The following TNK2 variants were observed in gnomAD, a reference collection of about 807,000 sequenced individuals.
TNK2 encodes activated CDC42 kinase 1.
TNK2 carries 83 observed loss-of-function variants against 101.8 expected under a neutral mutation model. The ratio of observed to expected loss-of-function variants is 0.82; its 90% confidence interval spans 0.68 to 0.98. The LOEUF is 0.98. TNK2 is among the 50% of genes least tolerant of loss of function. The pLI is 0.00. For synonymous variants in TNK2, 804 were observed against 633.0 expected (o/e 1.27, Z -4.06); for missense variants, 1,665 against 1,483.2 (o/e 1.12, Z -2.01).
chr3:195,892,395 C>T, intron 1 of TNK2: 1 of 1,528,026 alleles, frequency 6.5e-7, no homozygotes, highest in East Asian at 2.5e-5. Context: ...CAGTCCAGCC[C>T]CTGCCCCCCA....
chr3:195,881,933 A>T, intron 6 of TNK2, 118 bp downstream of exon 6: 1 of 1,266,038 alleles, frequency 7.9e-7, no homozygotes, highest in Non-Finnish European at 1.1e-6. Context: ...CCCCAGGCTT[A>T]GAACAGACAA....
In TNK2 at chr3:195,870,163, G is replaced by C; in HGVS notation, c.1494C>G (p.Ser498Arg). Residue 498 changes from serine to arginine, a missense_variant, in exon 11 of 16, where the codon AGC (serine) becomes AGG (arginine). Ser to Arg is a moderately radical substitution (Grantham distance 110). Coordinates refer to ENST00000672887, the MANE Select transcript of TNK2 (RefSeq NM_001382273.1). ...GGGGCCGGGAGGTGCTCAGTTCCAC[G>C]CTCAGGAGGTCGGGGGGGTCCATGG... is the stretch of plus-strand genomic sequence containing the variant. The part of the protein sequence containing the change: ...GNPMDPPDLL[S>R]VELSTSRPPQ... 1 of 1,508,016 alleles carries C rather than the reference G, an allele frequency of 6.6e-7. No individual in the cohort carries two copies. The highest frequency in any genetic ancestry group is 8.9e-7 in the Non-Finnish European group (1 of 1,121,732). 93.4% of individuals were successfully genotyped at this position (1,508,016 alleles called of 1,614,324 possible).
chr3:195,875,928 G>A (rs555581552), intron 9 of TNK2, among the ~76,000 whole-genome samples: 193 of 152,302 alleles, frequency 1.3e-3, no homozygotes, highest in Non-Finnish European at 2.3e-3. Context: ...TTCCCGTCCG[G>A]GCCGAAGGTA....
intron 1 of TNK2, among the ~76,000 whole-genome samples, chr3:195,893,425 C>T (rs1372688569): frequency 6.6e-6 from 1 of 152,016 alleles, no homozygotes; most frequent in African/African-American, 2.4e-5. Context: ...AGTTCCCAAA[C>T]CCGCTCAAAA....
chr3:195,879,272 AC>A (rs1373712868), intron 6 of TNK2, 97 bp from the exon 7 acceptor site: 3 of 1,535,738 alleles, frequency 2.0e-6, no homozygotes, highest in African/African-American at 2.7e-5. Flanking sequence ...ACTTGTTGTG[AC>A]CCCCTGTGCC....
chr3:195,892,719 T>G, intron 1 of TNK2: 1 of 1,384,478 alleles, frequency 7.2e-7, no homozygotes, highest in South Asian at 1.6e-5. Context: ...TCCTCTGTCC[T>G]GTTTCTGTCT....
chr3:195,906,935 T>C (rs1282235172), intron 1 of TNK2, among the ~76,000 whole-genome samples: 2 of 152,020 alleles, frequency 1.3e-5, no homozygotes, highest in African/African-American at 4.8e-5. Context: ...TGAGGTTTCT[T>C]TACTCACGAC....
intron 2 of TNK2, among the ~76,000 whole-genome samples, chr3:195,887,692 G>A (rs1560527153): frequency 2.6e-5 from 4 of 152,224 alleles, no homozygotes; most frequent in African/African-American, 9.6e-5. Context: ...GGAAAAATAT[G>A]AAGATAAGGG....
At chr3:195,865,421 T>A (rs1456387955) in intron 15 of TNK2, among the ~76,000 whole-genome samples, 2 of 123,670 alleles carry the variant, frequency 1.6e-5, no homozygotes, top group Non-Finnish European at 1.6e-5. Flanking sequence ...CGGGTGCAAA[T>A]CAGTTAAGAA....
chr3:195,896,280 G>A lies in TNK2; in HGVS notation c.-18-7674C>T, dbSNP rs866290034. 15 of 340,936 alleles carry A rather than the reference G, an allele frequency of 4.4e-5. No individual in the cohort carries two copies. The Middle Eastern group carries it at 1.2e-3, about 26-fold the overall frequency. 21.1% of individuals were successfully genotyped at this position (340,936 alleles called of 1,614,324 possible). A position where few individuals can be genotyped will look rare whatever the true frequency, so the allele number is the denominator to read the frequency against. Reference sequence around the variant, plus strand: ...TCTTTAGTACCAGGTATTTAGGGCTGAGCTCAGGGCACCTTCCCTGGGTTG... The same window carrying A: ...TCTTTAGTACCAGGTATTTAGGGCTAAGCTCAGGGCACCTTCCCTGGGTTG... On this transcript the variant is annotated intron_variant, in intron 1 of 15. Transcript: ENST00000672887.
Position 195,878,164 on chromosome 3 carries a change from C to T in TNK2, c.1256+89G>A, listed in dbSNP as rs1750489969. The T allele has an allele frequency of 1.4e-6, 2 of 1,413,092 alleles. No homozygotes were observed. Among genetic ancestry groups the T allele is most frequent in the Non-Finnish European group, 2.0e-6 (2 of 1,001,576 alleles). The allele number at this position is 1,413,092 out of a possible 1,614,324, so 87.5% of individuals were successfully genotyped here. ...CCAGCCTGTATGTGGCCAAGGGAAT[C>T]TTGGAGGCCAAACAGATCTGTCCAC... On this transcript the variant is annotated intron_variant, in intron 9 of 15. Coordinates refer to ENST00000672887, the MANE Select transcript of TNK2 (RefSeq NM_001382273.1). This position sits in a 1 kb window ranked among gnomAD's most constrained non-coding sequence, Gnocchi z 4.7.
In TNK2 at chr3:195,886,896, G is replaced by A; in HGVS notation, c.234+81C>T. On this transcript the variant is annotated intron_variant, in intron 3 of 15. Transcript: ENST00000672887. The surrounding 1 kb of genome is among the most constrained non-coding windows in gnomAD (Gnocchi z 4.2). Reference sequence around the variant, plus strand: ...CGAGATTCGACCTGCCGGGGAGCTGGGGAAGGTTCCCAGGACCAGAAGCGG... The same window carrying A: ...CGAGATTCGACCTGCCGGGGAGCTGAGGAAGGTTCCCAGGACCAGAAGCGG... 1 of 1,490,816 alleles carries A rather than the reference G, an allele frequency of 6.7e-7. No homozygotes were observed. The highest frequency in any genetic ancestry group is 9.4e-7 in the Non-Finnish European group (1 of 1,067,814). 92.3% of individuals were successfully genotyped at this position (1,490,816 alleles called of 1,614,324 possible). A position where few individuals can be genotyped will look rare whatever the true frequency, so the allele number is the denominator to read the frequency against.
At chr3:195,892,413 T>C (rs1758904037) in intron 1 of TNK2, 1 of 1,532,850 alleles carries the variant, frequency 6.5e-7, no homozygotes, top group East Asian at 2.5e-5. Context: ...CCACTCACTG[T>C]GTACAGGCGT....
intron 15 of TNK2, among the ~76,000 whole-genome samples, chr3:195,866,192 TTTC>T (rs948125624): frequency 5.3e-5 from 8 of 152,360 alleles, no homozygotes; most frequent in African/African-American, 1.7e-4. Flanking sequence ...GACAATATAT[TTTC>T]TTTTTAGAGA....
At chr3:195,880,270 C>T (rs1751648579) in intron 6 of TNK2, among the ~76,000 whole-genome samples, 1 of 152,128 alleles carries the variant, frequency 6.6e-6, no homozygotes, top group Non-Finnish European at 1.5e-5. Context: ...TGGCCTGGGC[C>T]TGTCTACCAC....
rs185199731 is a variant in TNK2, at chr3:195,899,953, C to T, written c.-19+8532G>A. On this transcript the variant is annotated intron_variant, in intron 1 of 15. Coordinates refer to ENST00000672887, the MANE Select transcript of TNK2 (RefSeq NM_001382273.1). ...AACAAGCCTGGTTGCCCTCTCCCAG[C>T]CCCGGCTTTGCCTCCCCCCATGATT... 6.1e-4 allele frequency among the ~76,000 whole-genome samples: 93 copies of T among 152,240 alleles called. 1 individual carries two copies. The East Asian group carries it at 7.0e-3, about 11-fold the overall frequency.
At chr3:195,866,199 T>C (rs1393167383) in intron 15 of TNK2, among the ~76,000 whole-genome samples, 2 of 152,210 alleles carry the variant, frequency 1.3e-5, no homozygotes, top group African/African-American at 4.8e-5. Flanking sequence ...TATTTTCTTT[T>C]TAGAGAAAAT....
At chr3:195,871,279 T>C (rs1243707527) in intron 10 of TNK2, among the ~76,000 whole-genome samples, 2 of 151,982 alleles carry the variant, frequency 1.3e-5, no homozygotes, top group African/African-American at 2.4e-5. Flanking sequence ...TCCTCTTACA[T>C]AGGAGACAGG....
At chr3:195,899,249 T>C (rs1054204766) in intron 1 of TNK2, among the ~76,000 whole-genome samples, 1 of 152,232 alleles carries the variant, frequency 6.6e-6, no homozygotes, top group East Asian at 1.9e-4. Flanking sequence ...CACAAATGGT[T>C]ATCTCTGCTG....
Sources: gnomAD v4.1 joint callset for allele counts (sites outside exome capture counted in the v4.1 genomes callset) on GRCh38, gnomAD v4.1.1 for gene constraint, Gnocchi (gnomAD v3.1) non-coding constraint, MANE v1.5 for transcripts, NCBI Gene and HGNC (gene_info 2026-07-23, HGNC 2026-07-21) for gene names.